AP2A2: variants seen among roughly 807,000 people sequenced by gnomAD.
The protein encoded by AP2A2 is AP-2 complex subunit alpha-2.
A neutral mutation model predicts 104.2 loss-of-function variants in AP2A2; 32 were observed. That is an observed-to-expected ratio of 0.31 (90% CI 0.23 to 0.41). AP2A2 has a LOEUF of 0.41. Among genes scored for constraint, AP2A2 ranks in the 10% least tolerant of loss-of-function variants. AP2A2 has a pLI of 1.00. For missense variants in AP2A2, 912 were observed against 1,261.0 expected, an observed-to-expected ratio of 0.72 and a Z score of 4.19; for synonymous variants, 539 against 533.3, an observed-to-expected ratio of 1.01 and a Z score of -0.15.
At chr11:955,819 G>C (rs1451788731) in intron 1 of AP2A2, among the ~76,000 whole-genome samples, 1 of 152,224 alleles carries the variant, frequency 6.6e-6, no homozygotes, top group Non-Finnish European at 1.5e-5. Flanking sequence ...GGGGAGGCAA[G>C]ATCAGTTTTG....
At chr11:967,773 T>G (rs1854671573) in intron 2 of AP2A2, among the ~76,000 whole-genome samples, 1 of 152,116 alleles carries the variant, frequency 6.6e-6, no homozygotes, top group Non-Finnish European at 1.5e-5. Flanking sequence ...GAGCCCAAAC[T>G]TAATCGTGAT....
chr11:955,395 T>A (rs1444919390), intron 1 of AP2A2, among the ~76,000 whole-genome samples: 1 of 152,226 alleles, frequency 6.6e-6, no homozygotes, highest in Non-Finnish European at 1.5e-5. Flanking sequence ...AGCATCCTCC[T>A]GTACCTGCTG....
chr11:985,606 G>A, intron 8 of AP2A2, 24 bp downstream of exon 8: 1 of 1,613,332 alleles, frequency 6.2e-7, no homozygotes, highest in African/African-American at 1.3e-5. Flanking sequence ...CTGTGGAGAG[G>A]CTTCGTCTCG....
intron 2 of AP2A2, among the ~76,000 whole-genome samples, chr11:963,794 T>A (rs1854522850): frequency 6.6e-6 from 1 of 152,156 alleles, no homozygotes; most frequent in Non-Finnish European, 1.5e-5. Flanking sequence ...GGCTAACATT[T>A]AAAAAAAGTT....
At position 992,497 on chromosome 11, in the gene AP2A2, C is replaced by G. The variant is rs1180608618; in HGVS notation, c.1270-6C>G. On this transcript the variant is annotated splice_region_variant and splice_polypyrimidine_tract_variant and intron_variant, in intron 10 of 21. Transcript: ENST00000448903. This position sits in a 1 kb window ranked among gnomAD's most constrained non-coding sequence, Gnocchi z 6.4. ...GTGCCGGCCCTCAGCAGCCTGTCCC[C>G]CACAGGTGCTGAAGGTCGCCATCCT... The G allele has an allele frequency of 1.3e-6, 2 of 1,579,232 alleles. No individual in the cohort carries two copies. Among genetic ancestry groups the G allele is most frequent in the African/African-American group, 2.7e-5 (2 of 74,360 alleles).
rs977069820 is a variant in AP2A2 at position 993,992 on chromosome 11, G to A, written c.1782+7G>A. The A allele has an allele frequency of 6.2e-7, 1 of 1,609,928 alleles. No individual in the cohort carries two copies. Among genetic ancestry groups the A allele is most frequent in the Non-Finnish European group, 8.5e-7 (1 of 1,177,682 alleles). On this transcript the variant is annotated splice_region_variant and intron_variant, in intron 13 of 21. Coordinates refer to ENST00000448903, the MANE Select transcript of AP2A2 (RefSeq NM_012305.4). The surrounding 1 kb of genome is among the most constrained non-coding windows in gnomAD (Gnocchi z 8.2). ...GGCCAGCACCGACATTCTGGTAGGA[G>A]GCCCCCGCCCTTCGGGCTGGCTTGG... is the stretch of plus-strand genomic sequence containing the variant.
At chr11:971,326 A>C (rs1374425692) in intron 3 of AP2A2, among the ~76,000 whole-genome samples, 2 of 152,202 alleles carry the variant, frequency 1.3e-5, no homozygotes, top group African/African-American at 4.8e-5. Flanking sequence ...AGGAGCAGGG[A>C]GAGCAGAGCA....
chr11:1,000,476 C>A lies in AP2A2; in HGVS notation c.2001C>A (p.Ala667=). Residue 667 remains alanine, a synonymous_variant, in exon 15 of 22, where the codon GCC becomes GCA. Transcript: ENST00000448903. The part of the protein sequence containing the change: ...PSADLLGLGA[A]PPAPAGPPPS... ...CAGACCTGCTGGGTCTCGGGGCTGCCCCCCCTGCCCCCGCGGGCCCCCCAC... is the reference window on the plus strand; with the variant it reads ...CAGACCTGCTGGGTCTCGGGGCTGCACCCCCTGCCCCCGCGGGCCCCCCAC... 6.5e-7 allele frequency: 1 copy of A among 1,540,272 alleles called. No homozygotes were observed. The highest frequency in any genetic ancestry group is 8.7e-7 in the Non-Finnish European group (1 of 1,147,046).
chr11:972,083 T>C lies in AP2A2; in HGVS notation c.301T>C (p.Leu101=), dbSNP rs1854849508. 1 of 1,613,510 alleles carries C rather than the reference T, an allele frequency of 6.2e-7. No individual in the cohort carries two copies. Among genetic ancestry groups the C allele is most frequent in the Non-Finnish European group, 8.5e-7 (1 of 1,179,776 alleles). Residue 101 remains leucine (L), a synonymous_variant, in exon 4 of 22, where the codon TTG becomes CTG. Coordinates refer to ENST00000448903, the MANE Select transcript of AP2A2 (RefSeq NM_012305.4). Reference sequence around the variant, plus strand: ...GCAGGGCTACCTTTTCATCTCTGTGTTGGTGAACTCAAACAGTGAGCTGAT... The same window carrying C: ...GCAGGGCTACCTTTTCATCTCTGTGCTGGTGAACTCAAACAGTGAGCTGAT... ...KQIGYLFISV[L]VNSNSELIRL...
At chr11:980,057 C>T (rs1395840362) in intron 5 of AP2A2, among the ~76,000 whole-genome samples, 6 of 148,798 alleles carry the variant, frequency 4.0e-5, no homozygotes, top group Non-Finnish European at 8.9e-5. Context: ...TGTCCTGGAG[C>T]GGTGACAGGC....
chr11:968,719 A>G lies in AP2A2; in HGVS notation c.137-1450A>G, dbSNP rs964807508. 2.6e-5 allele frequency among the ~76,000 whole-genome samples: 4 copies of G among 151,754 alleles called. No homozygotes were observed. Among genetic ancestry groups the G allele is most frequent in the Admixed American group, 6.6e-5 (1 of 15,232 alleles). On this transcript the variant is annotated intron_variant, in intron 2 of 21. Coordinates refer to ENST00000448903, the MANE Select transcript of AP2A2 (RefSeq NM_012305.4). This position sits in a 1 kb window ranked among gnomAD's most constrained non-coding sequence, Gnocchi z 4.2. The stretch of plus-strand genomic sequence containing the variant: ...TGCTCAGCTGTGTGTGCCCTCCTGC[A>G]CAAACAGGGCACGGAGAACGTGTCT...
At chr11:978,374 G>T (rs907066385) in intron 5 of AP2A2, among the ~76,000 whole-genome samples, 1 of 152,212 alleles carries the variant, frequency 6.6e-6, no homozygotes, top group East Asian at 1.9e-4. Flanking sequence ...GGGTCACCCT[G>T]AGTGCTTTTC....
intron 15 of AP2A2, among the ~76,000 whole-genome samples, chr11:1,001,595 G>A (rs916474828): frequency 5.9e-5 from 9 of 152,142 alleles, no homozygotes; most frequent in Non-Finnish European, 1.2e-4. Flanking sequence ...GCAGGCCGGC[G>A]TGGTGGTGGG....
At chr11:964,454 C>T (rs1281901134) in intron 2 of AP2A2, among the ~76,000 whole-genome samples, 1 of 152,066 alleles carries the variant, frequency 6.6e-6, no homozygotes, top group Non-Finnish European at 1.5e-5. Flanking sequence ...ATCTGGGGTT[C>T]ACCTGCAGAT....
chr11:969,220 CTTTTTTTTT>C, intron 2 of AP2A2, among the ~76,000 whole-genome samples: 1 of 48,110 alleles, frequency 2.1e-5, no homozygotes, highest in South Asian at 6.4e-4. Context: ...TAGAACAGCC[CTTTTTTTTT>C]TTTTTTTTTT....
At chr11:974,423 G>C (rs1187005519) in intron 4 of AP2A2, among the ~76,000 whole-genome samples, 1 of 152,174 alleles carries the variant, frequency 6.6e-6, no homozygotes, top group Non-Finnish European at 1.5e-5. Context: ...AGTGGCTCAC[G>C]CATGTAATCC....
At chr11:964,746 C>A (rs1854554448) in intron 2 of AP2A2, among the ~76,000 whole-genome samples, 1 of 151,276 alleles carries the variant, frequency 6.6e-6, no homozygotes, top group Admixed American at 6.6e-5. Context: ...AAAGAATTTC[C>A]TACCAGAAGG....
intron 1 of AP2A2, among the ~76,000 whole-genome samples, chr11:936,997 A>C (rs1160953593): frequency 6.6e-6 from 1 of 151,422 alleles, no homozygotes; most frequent in African/African-American, 2.4e-5. Flanking sequence ...TGCTCCAGGG[A>C]GTTTCCTTTA....
intron 2 of AP2A2, among the ~76,000 whole-genome samples, chr11:963,319 G>T (rs1284857999): frequency 2.0e-5 from 3 of 152,008 alleles, no homozygotes; most frequent in Non-Finnish European, 2.9e-5. Flanking sequence ...CCAGCTACTC[G>T]GGAGGCTGAG....
Sources: gnomAD v4.1 joint callset for allele counts (sites outside exome capture counted in the v4.1 genomes callset) on GRCh38, gnomAD v4.1.1 for gene constraint, Gnocchi (gnomAD v3.1) non-coding constraint, MANE v1.5 for transcripts, NCBI Gene and HGNC (gene_info 2026-07-23, HGNC 2026-07-21) for gene names.